Variants in MID1 observed in about 807,000 individuals in gnomAD.
MID1 encodes the protein midline 1.
MID1 carries 7 observed loss-of-function variants against 40.4 expected under a neutral mutation model. The observed-to-expected ratio is 0.17, with a 90% confidence interval of 0.10 to 0.33. The LOEUF is 0.33. Among genes scored for constraint, MID1 ranks in the 10% least tolerant of loss-of-function variants. The probability of loss-of-function intolerance (pLI) is 1.00; values close to 1 mark genes in which losing one functional copy is unlikely to be tolerated. For synonymous variants in MID1, 229 were observed against 221.2 expected (o/e 1.04, Z -0.31); for missense variants, 367 against 558.5 (o/e 0.66, Z 3.46).
In MID1 at chrX:10,757,799, G is replaced by T. The variant is rs184055490; in HGVS notation, c.-187+75755C>A. On this transcript the variant is annotated intron_variant, in intron 1 of 10. Coordinates refer to the MID1 transcript ENST00000380785. ...TACATGTGCTATTCTGAACAACGTA[G>T]TTATTTATAAAGGGGGGTTTCTATT... is the stretch of plus-strand genomic sequence containing the variant. Among the ~76,000 whole-genome samples, 1,055 of 111,221 alleles carry T rather than the reference G, an allele frequency of 9.5e-3. 5 individuals are homozygous for T. Among genetic ancestry groups the T allele is most frequent in the Non-Finnish European group, 0.014 (765 of 53,087 alleles).
rs754616433 is a variant in MID1 at position 10,614,238 on chromosome X, C to T, written c.-57+6052G>A. Among the ~76,000 whole-genome samples, 14 of 111,873 alleles carry T rather than the reference C, an allele frequency of 1.3e-4. No individual in the cohort carries two copies. In the South Asian group the frequency reaches 1.5e-3, roughly 12 times the overall value. On this transcript the variant is annotated intron_variant, in intron 1 of 9. Transcript: ENST00000317552. ...TAGACAGTGCTCAGCATACAAAGAG[C>T]ATACTTACAAACAACCCAAACCCAC...
chrX:10,648,380 CAACT>C (rs1420974528), intron 1 of MID1, among the ~76,000 whole-genome samples: 1 of 111,717 alleles, frequency 9.0e-6, no homozygotes, highest in Non-Finnish European at 1.9e-5. Context: ...CCACTATAAT[CAACT>C]AACTAAAACA....
intron 3 of MID1, among the ~76,000 whole-genome samples, chrX:10,496,642 G>C (rs138425320): frequency 1.1e-4 from 12 of 112,270 alleles, no homozygotes; most frequent in African/African-American, 3.9e-4. Context: ...GAGGAGACAT[G>C]GCCCAGTCCC....
At chrX:10,544,861 C>T (rs1933619038) in intron 2 of MID1, among the ~76,000 whole-genome samples, 1 of 112,399 alleles carries the variant, frequency 8.9e-6, no homozygotes, top group Admixed American at 9.4e-5. Context: ...ATGTTGCTGT[C>T]CTATATAGTA....
At chrX:10,517,499 G>A (rs1038860370) in intron 3 of MID1, among the ~76,000 whole-genome samples, 4 of 112,233 alleles carry the variant, frequency 3.6e-5, no homozygotes, top group African/African-American at 1.3e-4. Context: ...TTCCTGAAAA[G>A]AGTTGGAAAT....
chrX:10,531,211 T>C (rs1230283752), intron 2 of MID1, among the ~76,000 whole-genome samples: 2 of 111,859 alleles, frequency 1.8e-5, no homozygotes, highest in East Asian at 2.8e-4. Flanking sequence ...ATAGTTAATA[T>C]GAAAACACAC....
chrX:10,671,672 T>C (rs866459813), intron 1 of MID1, among the ~76,000 whole-genome samples: 3 of 111,179 alleles, frequency 2.7e-5, no homozygotes, highest in Middle Eastern at 4.6e-3. Flanking sequence ...CTCTCAGCTG[T>C]CCTGCCAATG....
chrX:10,521,867 T>C (rs1415328369), intron 3 of MID1, among the ~76,000 whole-genome samples: 2 of 112,314 alleles, frequency 1.8e-5, no homozygotes, highest in Non-Finnish European at 3.8e-5. Context: ...TGAGACAAGG[T>C]CTCACTCTGT....
chrX:10,724,902 T>C, intron 1 of MID1, among the ~76,000 whole-genome samples: 1 of 111,973 alleles, frequency 8.9e-6, no homozygotes, highest in Non-Finnish European at 1.9e-5. Flanking sequence ...GGGCGAATTT[T>C]TAAAAATTGG....
intron 1 of MID1, among the ~76,000 whole-genome samples, chrX:10,704,739 T>TATATATATATATACAC (rs1233692170): frequency 3.5e-4 from 29 of 82,182 alleles, no homozygotes; most frequent in African/African-American, 1.5e-3. Flanking sequence ...TATATATATA[T>TATATATATATATACAC]ACACACACAC....
intron 1 of MID1, among the ~76,000 whole-genome samples, chrX:10,592,744 A>C (rs775175494): frequency 2.7e-5 from 3 of 111,297 alleles, no homozygotes; most frequent in African/African-American, 9.8e-5. Flanking sequence ...CCCTCCAAGA[A>C]ATAAGTCTGA....
At chrX:10,565,417 A>T (rs1441590515) in intron 2 of MID1, 2 of 329,790 alleles carry the variant, frequency 6.1e-6, no homozygotes, top group Non-Finnish European at 1.2e-5. Context: ...TCCCACTGTC[A>T]CAGAATAAAC....
At chrX:10,653,697 A>G (rs2042849953) in intron 1 of MID1, among the ~76,000 whole-genome samples, 1 of 113,203 alleles carries the variant, frequency 8.8e-6, no homozygotes, top group Non-Finnish European at 1.9e-5. Context: ...AAATTTGAAA[A>G]CATAACAAAA....
At chrX:10,557,401 A>C (rs1457869884) in intron 2 of MID1, among the ~76,000 whole-genome samples, 1 of 111,994 alleles carries the variant, frequency 8.9e-6, no homozygotes, top group Non-Finnish European at 1.9e-5. Context: ...AGACCTCAGA[A>C]ATTTCAGAAC....
At chrX:10,796,408 A>ATTCAGTTTTTTTTT (rs960095674) in intron 1 of MID1, among the ~76,000 whole-genome samples, 1 of 95,808 alleles carries the variant, frequency 1.0e-5, no homozygotes, top group Admixed American at 1.1e-4. Flanking sequence ...AAAGAAGAAA[A>ATTCAGTTTTTTTTT]TTCAGTTTTT....
chrX:10,640,048 C>T lies in MID1; in HGVS notation c.-186-19629G>A, dbSNP rs750305446. Among the ~76,000 whole-genome samples the T allele has an allele frequency of 2.7e-5, 3 of 111,915 alleles. No homozygotes were observed. The Admixed American group carries it at 2.8e-4, about 11-fold the overall frequency. On this transcript the variant is annotated intron_variant, in intron 1 of 10. Transcript: ENST00000380785. ...CATGGAGAGGAACAACAGGTACCAG[C>T]CACAGCAAAAACATGCCAAATTGTA... is the stretch of plus-strand genomic sequence containing the variant.
chrX:10,510,567 T>C (rs1235371617), intron 3 of MID1, among the ~76,000 whole-genome samples: 1 of 111,351 alleles, frequency 9.0e-6, no homozygotes, highest in Non-Finnish European at 1.9e-5. Context: ...GCGTGGTGGC[T>C]CACGCCTGTA....
At chrX:10,697,522 T>A (rs1163072201) in intron 1 of MID1, among the ~76,000 whole-genome samples, 1 of 111,781 alleles carries the variant, frequency 8.9e-6, no homozygotes. Flanking sequence ...ACTGATGACT[T>A]TTTTCCATGA....
chrX:10,602,504 C>A (rs1009961657), intron 1 of MID1, among the ~76,000 whole-genome samples: 1 of 110,678 alleles, frequency 9.0e-6, no homozygotes, highest in Admixed American at 9.7e-5. Context: ...CCGGCAACCA[C>A]GAATCTACTT....
Sources: allele counts gnomAD v4.1 joint callset (sites outside exome capture counted in the v4.1 genomes callset), GRCh38; gene constraint gnomAD v4.1.1; transcripts MANE v1.5; gene names NCBI Gene and HGNC (gene_info 2026-07-23, HGNC 2026-07-21).